TNKS: variants seen among roughly 807,000 people sequenced by gnomAD.
The protein encoded by TNKS is tankyrase.
In TNKS, 72 loss-of-function variants were observed where a neutral mutation model predicts 135.8. The ratio of observed to expected loss-of-function variants is 0.53; its 90% CI spans 0.44 to 0.64. The LOEUF is 0.64. TNKS is among the 30% of genes least tolerant of loss of function. The probability of loss-of-function intolerance (pLI) is 0.00; values close to 1 mark genes in which losing one functional copy is unlikely to be tolerated. For synonymous variants in TNKS, 849 were observed against 649.3 expected (o/e 1.31, Z -4.68); for missense variants, 1,769 against 1,674.0 (o/e 1.06, Z -0.99).
chr8:9,579,605 A>T (rs1197119247), intron 1 of TNKS, among the ~76,000 whole-genome samples: 1 of 152,024 alleles, frequency 6.6e-6, no homozygotes, highest in Non-Finnish European at 1.5e-5. Context: ...AGTAGGTGGG[A>T]TTACAGGTGC....
chr8:9,594,320 T>C lies in TNKS; in HGVS notation c.898+13937T>C, dbSNP rs189550582. ...TATACTGATGATAACTCTCACACCTTGTTTTTTGTCTATTTAGACTTGCAT... is the reference window on the plus strand; with the variant it reads ...TATACTGATGATAACTCTCACACCTCGTTTTTTGTCTATTTAGACTTGCAT... On this transcript the variant is annotated intron_variant, in intron 2 of 26. Coordinates refer to ENST00000310430, the MANE Select transcript of TNKS (RefSeq NM_003747.3). 6.6e-5 allele frequency among the ~76,000 whole-genome samples: 10 copies of C among 152,360 alleles called. No individual in the cohort carries two copies. In the East Asian group the frequency reaches 1.7e-3, roughly 26 times the overall value.
intron 26 of TNKS, among the ~76,000 whole-genome samples, chr8:9,775,040 C>CTT (rs894551889): frequency 2.6e-5 from 4 of 152,086 alleles, no homozygotes; most frequent in African/African-American, 9.7e-5. Flanking sequence ...CCAGAGTGTT[C>CTT]TTATGTGGTA....
At chr8:9,773,075 A>ATTTTTCTGTTTAAATCATAAACCTT (rs1808028007) in intron 26 of TNKS, among the ~76,000 whole-genome samples, 2 of 151,604 alleles carry the variant, frequency 1.3e-5, no homozygotes, top group Non-Finnish European at 2.9e-5. Context: ...AATTTGTCAT[A>ATTTTTCTGTTTAAATCATAAACCTT]TTTTTCTGTT....
At chr8:9,725,333 G>A (rs1458887095) in intron 12 of TNKS, among the ~76,000 whole-genome samples, 1 of 152,178 alleles carries the variant, frequency 6.6e-6, no homozygotes, top group Non-Finnish European at 1.5e-5. Flanking sequence ...AAATTAAAAT[G>A]TAATATAACT....
At chr8:9,587,468 C>T (rs924186870) in intron 2 of TNKS, among the ~76,000 whole-genome samples, 54 of 151,042 alleles carry the variant, frequency 3.6e-4, no homozygotes, top group African/African-American at 1.0e-3. Context: ...GGCACAGTCT[C>T]GGCTCACTGT....
intron 21 of TNKS, among the ~76,000 whole-genome samples, chr8:9,762,182 T>C (rs1420733836): frequency 6.6e-6 from 1 of 152,138 alleles, no homozygotes; most frequent in East Asian, 1.9e-4. Flanking sequence ...TCTTTTTCCA[T>C]TGTACTTTGC....
chr8:9,698,374 G>GAAACAAAAAAA (rs1803623416), intron 5 of TNKS, among the ~76,000 whole-genome samples: 1 of 98,762 alleles, frequency 1.0e-5, no homozygotes, highest in Non-Finnish European at 1.9e-5. Flanking sequence ...ATTTTAAAAT[G>GAAACAAAAAAA]AAAAAAAAAA....
At chr8:9,703,745 G>T (rs1178405584) in intron 5 of TNKS, among the ~76,000 whole-genome samples, 4 of 152,040 alleles carry the variant, frequency 2.6e-5, no homozygotes, top group Non-Finnish European at 4.4e-5. Flanking sequence ...CCAAATAGAA[G>T]ACAGGAAAAA....
rs537945133 is a variant in TNKS at position 9,769,843 on chromosome 8, A to C, written c.3741-263A>C. Among the ~76,000 whole-genome samples the C allele has an allele frequency of 5.3e-5, 8 of 152,006 alleles. No homozygotes were observed. The South Asian group carries it at 1.7e-3, about 32-fold the overall frequency. ...TACCGTGTTAGCCAGGATGGTCTTG[A>C]TCTCCCTAGCAGGCATTTTCTATGG... On this transcript the variant is annotated intron_variant, in intron 25 of 26. Transcript: ENST00000310430.
At chr8:9,606,105 C>G (rs7815528) in intron 2 of TNKS, among the ~76,000 whole-genome samples, 1 of 132,466 alleles carries the variant, frequency 7.5e-6, no homozygotes, top group Non-Finnish European at 1.6e-5. Context: ...AGTCTGTAGT[C>G]CAGTTTGAGT....
At chr8:9,715,543 A>G (rs768031757) in intron 11 of TNKS, among the ~76,000 whole-genome samples, 4 of 152,142 alleles carry the variant, frequency 2.6e-5, no homozygotes, top group East Asian at 1.9e-4. Context: ...AGTACCCCCC[A>G]TCTCCTCCCA....
At chr8:9,598,045 C>T (rs1310492778) in intron 2 of TNKS, among the ~76,000 whole-genome samples, 7 of 152,048 alleles carry the variant, frequency 4.6e-5, no homozygotes, top group Non-Finnish European at 1.0e-4. Context: ...ATTGAAAGTA[C>T]AGCAGAATGT....
At chr8:9,759,935 G>A (rs888743431) in intron 20 of TNKS, among the ~76,000 whole-genome samples, 29 of 151,136 alleles carry the variant, frequency 1.9e-4, no homozygotes, top group African/African-American at 5.8e-4. Flanking sequence ...CTGAGATCGC[G>A]CCACTGCACT....
At chr8:9,694,711 G>A (rs1355179253) in intron 5 of TNKS, among the ~76,000 whole-genome samples, 3 of 149,588 alleles carry the variant, frequency 2.0e-5, no homozygotes, top group Non-Finnish European at 3.0e-5. Flanking sequence ...GCAGTGAGCC[G>A]AGATCACCCC....
At chr8:9,591,001 T>C (rs991074921) in intron 2 of TNKS, among the ~76,000 whole-genome samples, 7 of 152,222 alleles carry the variant, frequency 4.6e-5, no homozygotes. Context: ...AGATCATGAT[T>C]TAACTCTGTT....
At chr8:9,702,540 A>G (rs931445127) in intron 5 of TNKS, among the ~76,000 whole-genome samples, 3 of 152,240 alleles carry the variant, frequency 2.0e-5, no homozygotes, top group Admixed American at 2.0e-4. Flanking sequence ...GAAGGAAAAA[A>G]GTTAACTAAA....
chr8:9,597,292 T>C (rs1798824833), intron 2 of TNKS, among the ~76,000 whole-genome samples: 2 of 152,244 alleles, frequency 1.3e-5, no homozygotes, highest in African/African-American at 4.8e-5. Context: ...AATACTTGTT[T>C]CTTTCCACTT....
chr8:9,602,473 C>G (rs532226334), intron 2 of TNKS, among the ~76,000 whole-genome samples: 1 of 152,186 alleles, frequency 6.6e-6, no homozygotes, highest in Non-Finnish European at 1.5e-5. Flanking sequence ...TTCCCATCCT[C>G]TCTTGTTCCC....
intron 1 of TNKS, among the ~76,000 whole-genome samples, chr8:9,565,880 A>G (rs1212190931): frequency 6.6e-6 from 1 of 152,110 alleles, no homozygotes. Context: ...ATAAATAAAA[A>G]TAAAAATAAA....
Sources: gnomAD v4.1 joint callset for allele counts (sites outside exome capture counted in the v4.1 genomes callset) on GRCh38, gnomAD v4.1.1 for gene constraint, MANE v1.5 for transcripts, NCBI Gene and HGNC (gene_info 2026-07-23, HGNC 2026-07-21) for gene names.